Variants in SLC41A2 observed in about 807,000 individuals in gnomAD.
SLC41A2 encodes SLC41A1-like 1.
SLC41A2 carries 32 observed loss-of-function variants against 58.3 expected under a neutral mutation model. The ratio of observed to expected loss-of-function variants is 0.55; its 90% CI spans 0.41 to 0.74. SLC41A2 has a LOEUF of 0.74. SLC41A2 is among the 30% of genes least tolerant of loss of function. The pLI is 0.00. For synonymous variants in SLC41A2, 190 were observed against 235.0 expected (o/e 0.81, Z 1.75); for missense variants, 514 against 680.6 (o/e 0.76, Z 2.72).
chr12:104,803,510 A>ATATT lies in SLC41A2; in HGVS notation c.*1638_*1641dup, dbSNP rs2040769268. On this transcript the variant is annotated 3_prime_UTR_variant, in exon 11 of 11. Transcript: ENST00000258538. ...GCTTAACAAGAATACTTTCTGCAAT[A>ATATT]TATTTATAAACAACCTAATATTTAT... 1 of 152,186 alleles carries ATATT rather than the reference A, an allele frequency of 6.6e-6. No homozygotes were observed. The highest frequency in any genetic ancestry group is 1.5e-5 in the Non-Finnish European group (1 of 68,018). 9.4% of individuals were successfully genotyped at this position (152,186 alleles called of 1,614,324 possible).
intron 3 of SLC41A2, among the ~76,000 whole-genome samples, chr12:104,902,947 C>T (rs140465913): frequency 1.2e-3 from 190 of 152,230 alleles, no homozygotes; most frequent in Middle Eastern, 6.8e-3. Flanking sequence ...ATAAAAATGC[C>T]GTAAACTAGA....
chr12:104,945,486 C>T (rs1397178023), intron 1 of SLC41A2, among the ~76,000 whole-genome samples: 1 of 151,038 alleles, frequency 6.6e-6, no homozygotes, highest in Admixed American at 6.6e-5. Flanking sequence ...GGTGACAGAG[C>T]GAGACTCCGC....
intron 9 of SLC41A2, among the ~76,000 whole-genome samples, chr12:104,844,856 G>A (rs1015239470): frequency 4.6e-5 from 7 of 151,842 alleles, no homozygotes; most frequent in African/African-American, 7.3e-5. Flanking sequence ...GAAGAACATC[G>A]GTCACACTTT....
At chr12:104,956,335 T>G (rs2136001869) in intron 1 of SLC41A2, among the ~76,000 whole-genome samples, 1 of 152,296 alleles carries the variant, frequency 6.6e-6, no homozygotes. Flanking sequence ...TATCCAAACC[T>G]ATTAACAGAA....
rs750012850 is a variant in SLC41A2 at position 104,803,102 on chromosome 12, T to C, written c.*2050A>G. 1 of 152,176 alleles carries C rather than the reference T, an allele frequency of 6.6e-6. No homozygotes were observed. Among genetic ancestry groups the C allele is most frequent in the Non-Finnish European group, 1.5e-5 (1 of 68,008 alleles). The allele number at this position is 152,176 out of a possible 1,614,324, so 9.4% of individuals were successfully genotyped here. ...CACTGGAATGTGTAATATAATAAAG[T>C]TGTTGATTAATGCTTTAAAAATGTA... On this transcript the variant is annotated 3_prime_UTR_variant, in exon 11 of 11. Transcript: ENST00000258538.
intron 10 of SLC41A2, among the ~76,000 whole-genome samples, chr12:104,810,683 A>C (rs2041135110): frequency 6.6e-6 from 1 of 152,194 alleles, no homozygotes; most frequent in Admixed American, 6.5e-5. Flanking sequence ...CTCAGGAAGT[A>C]GGTAGGTTTA....
chr12:104,850,286 C>T (rs2042750935), intron 8 of SLC41A2, among the ~76,000 whole-genome samples: 1 of 152,000 alleles, frequency 6.6e-6, no homozygotes, highest in South Asian at 2.1e-4. Flanking sequence ...TAATTCTTTG[C>T]TTAATAATTT....
chr12:104,951,734 C>G (rs17041531), intron 1 of SLC41A2, among the ~76,000 whole-genome samples: 6,180 of 151,562 alleles, frequency 0.041, 174 homozygotes, highest in East Asian at 0.11. Context: ...TCATTAAGCT[C>G]ATATGATTGA....
chr12:104,914,201 G>C (rs1333013935), intron 2 of SLC41A2, among the ~76,000 whole-genome samples: 1 of 152,144 alleles, frequency 6.6e-6, no homozygotes, highest in Non-Finnish European at 1.5e-5. Flanking sequence ...ACAATCCTAT[G>C]TATTAAGTAG....
chr12:104,871,832 C>T (rs933109659), intron 6 of SLC41A2, among the ~76,000 whole-genome samples: 8 of 151,998 alleles, frequency 5.3e-5, no homozygotes, highest in Non-Finnish European at 8.8e-5. Flanking sequence ...AAAATAAGAA[C>T]GCAGTTTTGT....
chr12:104,930,955 G>T (rs886339853), intron 1 of SLC41A2, among the ~76,000 whole-genome samples: 5 of 152,124 alleles, frequency 3.3e-5, no homozygotes, highest in Non-Finnish European at 5.9e-5. Context: ...TTCTTACTTC[G>T]GTATAAGCTA....
intron 10 of SLC41A2, among the ~76,000 whole-genome samples, chr12:104,817,547 G>T (rs191812324): frequency 3.0e-4 from 45 of 150,958 alleles, no homozygotes; most frequent in Middle Eastern, 3.4e-3. Context: ...TCTTTATATC[G>T]TTATCCTATA....
chr12:104,807,683 C>T (rs2040974527), intron 10 of SLC41A2, among the ~76,000 whole-genome samples: 1 of 152,196 alleles, frequency 6.6e-6, no homozygotes, highest in Non-Finnish European at 1.5e-5. Context: ...GATATTGATT[C>T]TTCCTGCCCA....
intron 5 of SLC41A2, among the ~76,000 whole-genome samples, chr12:104,888,122 A>C (rs1426573806): frequency 6.6e-6 from 1 of 152,058 alleles, no homozygotes; most frequent in African/African-American, 2.4e-5. Flanking sequence ...TTAATTTTCC[A>C]ATAGCTTAAC....
intron 2 of SLC41A2, among the ~76,000 whole-genome samples, chr12:104,914,292 G>GA (rs1434510979): frequency 1.3e-5 from 2 of 151,988 alleles, no homozygotes; most frequent in Non-Finnish European, 2.9e-5. Context: ...TAAATTGAAA[G>GA]AAAAAATAGT....
intron 3 of SLC41A2, among the ~76,000 whole-genome samples, chr12:104,898,508 T>C (rs1447509989): frequency 6.6e-6 from 1 of 151,230 alleles, no homozygotes; most frequent in Non-Finnish European, 1.5e-5. Flanking sequence ...TCTCCATTCA[T>C]GCATTATTTT....
chr12:104,895,657 C>T (rs1485275634), intron 3 of SLC41A2, among the ~76,000 whole-genome samples: 2 of 152,054 alleles, frequency 1.3e-5, no homozygotes, highest in African/African-American at 4.8e-5. Context: ...CTTAGCATGC[C>T]AAATTTTGTG....
chr12:104,830,180 C>A (rs915194492), intron 10 of SLC41A2, among the ~76,000 whole-genome samples: 2 of 152,176 alleles, frequency 1.3e-5, no homozygotes, highest in Non-Finnish European at 2.9e-5. Flanking sequence ...AGGCTAAGCT[C>A]AAATCTTATT....
At chr12:104,825,442 A>G (rs1195906930) in intron 10 of SLC41A2, among the ~76,000 whole-genome samples, 1 of 152,218 alleles carries the variant, frequency 6.6e-6, no homozygotes, top group Non-Finnish European at 1.5e-5. Flanking sequence ...CTGAACCAGG[A>G]AAAAGATATA....
Sources: gnomAD v4.1 joint callset for allele counts (sites outside exome capture counted in the v4.1 genomes callset) on GRCh38, gnomAD v4.1.1 for gene constraint, MANE v1.5 for transcripts, NCBI Gene and HGNC (gene_info 2026-07-23, HGNC 2026-07-21) for gene names.